The following GPCPD1 variants were observed in gnomAD, a reference collection of about 807,000 sequenced individuals.
The protein encoded by GPCPD1 is glycerophosphocholine phosphodiesterase 1, also known as glycerophosphocholine phosphodiesterase GPCPD1.
A neutral mutation model predicts 89.2 loss-of-function variants in GPCPD1; 29 were observed. The observed-to-expected ratio is 0.33, with a 90% CI of 0.24 to 0.44. The LOEUF (loss-of-function observed/expected upper bound fraction) is 0.44. Ranked by LOEUF, GPCPD1 falls within the 20% of genes least tolerant of loss-of-function variation. GPCPD1 has a pLI of 1.00. For synonymous variants in GPCPD1, 258 were observed against 266.3 expected, an observed-to-expected ratio of 0.97 and a Z score of 0.30; for missense variants, 594 against 808.9, an observed-to-expected ratio of 0.73 and a Z score of 3.22.
chr20:5,598,202 C>CAAACA (rs1037133088), intron 3 of GPCPD1, among the ~76,000 whole-genome samples: 2 of 151,624 alleles, frequency 1.3e-5, no homozygotes, highest in African/African-American at 4.8e-5. Context: ...AACAAACAAA[C>CAAACA]AAAAAAGTAA....
At chr20:5,581,972 C>G (rs1020226373) in intron 6 of GPCPD1, among the ~76,000 whole-genome samples, 1 of 148,618 alleles carries the variant, frequency 6.7e-6, no homozygotes, top group East Asian at 2.0e-4. Flanking sequence ...ATCACGAGGT[C>G]AGGAGATCGA....
intron 14 of GPCPD1, among the ~76,000 whole-genome samples, 155 bp downstream of exon 14, chr20:5,566,578 T>C (rs978950306): frequency 1.3e-5 from 2 of 152,204 alleles, no homozygotes; most frequent in South Asian, 2.1e-4. Context: ...AGAAAACAAA[T>C]GCAAATTCAT....
At chr20:5,601,695 ACTT>A (rs1214682736) in intron 2 of GPCPD1, among the ~76,000 whole-genome samples, 1 of 152,054 alleles carries the variant, frequency 6.6e-6, no homozygotes, top group Non-Finnish European at 1.5e-5. Flanking sequence ...AACAAAAAAA[ACTT>A]CTTCATGGAC....
At chr20:5,567,726 A>C in intron 12 of GPCPD1, 166 bp from the exon 13 acceptor site, 1 of 602,252 alleles carries the variant, frequency 1.7e-6, no homozygotes, top group Non-Finnish European at 2.6e-6. Context: ...CATGCAGGAC[A>C]GCCCTTCTAA....
chr20:5,599,587 C>G (rs777633537), intron 2 of GPCPD1, among the ~76,000 whole-genome samples: 1 of 152,058 alleles, frequency 6.6e-6, no homozygotes, highest in Admixed American at 6.6e-5. Context: ...TGGAGTTTTT[C>G]TCTGTTGCCT....
At chr20:5,591,013 A>T (rs138580785) in intron 4 of GPCPD1, among the ~76,000 whole-genome samples, 20 of 152,280 alleles carry the variant, frequency 1.3e-4, no homozygotes, top group African/African-American at 4.6e-4. Flanking sequence ...AGAGGGGTGG[A>T]TACAGAAAAA....
intron 14 of GPCPD1, among the ~76,000 whole-genome samples, chr20:5,566,158 G>A (rs550223932): frequency 6.6e-6 from 1 of 152,132 alleles, no homozygotes; most frequent in East Asian, 1.9e-4. Flanking sequence ...TATATCTATA[G>A]TACACCTACT....
intron 3 of GPCPD1, among the ~76,000 whole-genome samples, chr20:5,597,000 G>T (rs894196714): frequency 2.6e-5 from 4 of 152,084 alleles, no homozygotes; most frequent in Non-Finnish European, 5.9e-5. Context: ...GACAGGCAGG[G>T]GTGTGTTTTA....
chr20:5,600,160 T>C (rs1269804487), intron 2 of GPCPD1, among the ~76,000 whole-genome samples: 1 of 152,224 alleles, frequency 6.6e-6, no homozygotes, highest in Non-Finnish European at 1.5e-5. Context: ...AAGACTAGAA[T>C]TGTACTCAGC....
In GPCPD1 at chr20:5,546,651, A is replaced by T. The variant is rs536751170; in HGVS notation, c.*1010T>A. ...ATAAAGAATACTAATATGAAAATTC[A>T]GGACATTTATTTTTCTGCATGGAAA... On this transcript the variant is annotated 3_prime_UTR_variant, in exon 20 of 20. Transcript: ENST00000379019. 1 of 152,648 alleles carries T rather than the reference A, an allele frequency of 6.6e-6. No homozygotes were observed. The highest frequency in any genetic ancestry group is 2.1e-4 in the South Asian group (1 of 4,830). The allele number at this position is 152,648 out of a possible 1,614,324, so 9.5% of individuals were successfully genotyped here. A position where few individuals can be genotyped will look rare whatever the true frequency, so the allele number is the denominator to read the frequency against.
At position 5,578,641 on chromosome 20, in the gene GPCPD1, A is replaced by G. The variant is rs775165980; in HGVS notation, c.474-30T>C. On this transcript the variant is annotated intron_variant, in intron 7 of 19. Transcript: ENST00000379019. The stretch of plus-strand genomic sequence containing the variant: ...GTAATAAACAAAATAATGAGATGCA[A>G]GAAGTGGCAGAAAAGAAAAACTCAT... 3.4e-5 allele frequency: 47 copies of G among 1,373,162 alleles called. No homozygotes were observed. In the Admixed American group the frequency reaches 8.2e-4, roughly 24 times the overall value. 85.1% of individuals were successfully genotyped at this position (1,373,162 alleles called of 1,614,324 possible). A position where few individuals can be genotyped will look rare whatever the true frequency, so the allele number is the denominator to read the frequency against.
At chr20:5,567,206 T>C (rs1415065232) in intron 13 of GPCPD1, among the ~76,000 whole-genome samples, 2 of 152,202 alleles carry the variant, frequency 1.3e-5, no homozygotes, top group Non-Finnish European at 2.9e-5. Flanking sequence ...CTAAAGATTA[T>C]GAATGAGAAG....
intron 4 of GPCPD1, among the ~76,000 whole-genome samples, chr20:5,588,257 C>T (rs900282018): frequency 2.0e-5 from 3 of 152,182 alleles, no homozygotes; most frequent in Admixed American, 6.5e-5. Context: ...ATAATCCCAG[C>T]GCTTTGGGAG....
intron 12 of GPCPD1, among the ~76,000 whole-genome samples, chr20:5,568,119 G>A (rs1358991788): frequency 1.3e-5 from 2 of 151,466 alleles, no homozygotes; most frequent in Non-Finnish European, 1.5e-5. Flanking sequence ...CAAATCTGTT[G>A]TATTAGGTTT....
chr20:5,597,713 ACC>A (rs370716719), intron 3 of GPCPD1, among the ~76,000 whole-genome samples: 8 of 152,090 alleles, frequency 5.3e-5, no homozygotes, highest in African/African-American at 1.9e-4. Context: ...ATCTATGCTA[ACC>A]CCTTTTTATC....
chr20:5,599,111 A>G (rs1266608461), intron 2 of GPCPD1, among the ~76,000 whole-genome samples: 3 of 152,230 alleles, frequency 2.0e-5, no homozygotes, highest in Non-Finnish European at 4.4e-5. Flanking sequence ...CCAAGAGTAC[A>G]AAAGGGATAA....
chr20:5,584,712 G>A (rs1244407124), intron 5 of GPCPD1: 2 of 157,418 alleles, frequency 1.3e-5, no homozygotes, highest in African/African-American at 2.4e-5. Context: ...TTATTCTTAT[G>A]TAGTGCATAT....
Position 5,576,108 on chromosome 20 carries a change from T to C in GPCPD1, c.706-130A>G, listed in dbSNP as rs1978288127. On this transcript the variant is annotated intron_variant, in intron 8 of 19. Coordinates refer to ENST00000379019, the MANE Select transcript of GPCPD1 (RefSeq NM_019593.5). Reference sequence around the variant, plus strand: ...TATATATGAAATGTGTATATATATATTTTTTTTTTCATAAAAACTTCAGTA... The same window carrying C: ...TATATATGAAATGTGTATATATATACTTTTTTTTTCATAAAAACTTCAGTA... 6 of 289,614 alleles carry C rather than the reference T, an allele frequency of 2.1e-5. No homozygotes were observed. The South Asian group carries it at 9.6e-4, about 46-fold the overall frequency. The allele number at this position is 289,614 out of a possible 1,614,324, so 17.9% of individuals were successfully genotyped here. A position where few individuals can be genotyped will look rare whatever the true frequency, so the allele number is the denominator to read the frequency against.
chr20:5,579,681 C>T (rs899531403), intron 7 of GPCPD1, among the ~76,000 whole-genome samples: 1 of 152,216 alleles, frequency 6.6e-6, no homozygotes, highest in African/African-American at 2.4e-5. Flanking sequence ...AGGCGTGAGC[C>T]AACACGCCCG....
Sources: allele counts gnomAD v4.1 joint callset (sites outside exome capture counted in the v4.1 genomes callset), GRCh38; gene constraint gnomAD v4.1.1; transcripts MANE v1.5; gene names NCBI Gene and HGNC (gene_info 2026-07-23, HGNC 2026-07-21).